CNTN3: variants seen among roughly 807,000 people sequenced by gnomAD.
CNTN3 encodes contactin 3.
In CNTN3, 60 loss-of-function variants were observed where a neutral mutation model predicts 119.1. The observed-to-expected ratio is 0.50, with a 90% confidence interval of 0.41 to 0.62. The LOEUF is 0.62. Among genes scored for constraint, CNTN3 ranks in the 20% least tolerant of loss-of-function variants. CNTN3 has a pLI of 0.00. For synonymous variants in CNTN3, 450 were observed against 438.7 expected (o/e 1.03, Z -0.32); for missense variants, 1,101 against 1,242.4 (o/e 0.89, Z 1.71).
rs150903514 is a variant in CNTN3 at position 74,549,071 on chromosome 3, A to G, written c.-80-27879T>C. On this transcript the variant is annotated intron_variant, in intron 1 of 22. Transcript: ENST00000263665. ...ACAATTTGACTCTGTGTCCTCACCC[A>G]AATCTCATGTTGAATTGTGATCCCT... Among the ~76,000 whole-genome samples the G allele has an allele frequency of 3.1e-3, 468 of 152,318 alleles. 4 individuals carry two copies. Among genetic ancestry groups the G allele is most frequent in the African/African-American group, 9.5e-3 (394 of 41,570 alleles).
At chr3:74,394,385 A>G (rs1382577558) in intron 5 of CNTN3, among the ~76,000 whole-genome samples, 1 of 152,192 alleles carries the variant, frequency 6.6e-6, no homozygotes, top group Admixed American at 6.5e-5. Context: ...ACGCTATTAG[A>G]GAACAGAAAT....
In CNTN3 at chr3:74,288,694, T is replaced by C. The variant is rs539344162; in HGVS notation, c.2518-3203A>G. On this transcript the variant is annotated intron_variant, in intron 19 of 22. Coordinates refer to ENST00000263665, the MANE Select transcript of CNTN3 (RefSeq NM_020872.3). ...ATTTATCAAGGTCATTCTCCCAAAT[T>C]TGGTTCTTTCAAAACAGAGAAGGAC... 2.0e-5 allele frequency among the ~76,000 whole-genome samples: 3 copies of C among 152,266 alleles called. No individual in the cohort carries two copies. In the East Asian group the frequency reaches 5.8e-4, roughly 29 times the overall value.
chr3:74,355,781 A>G (rs186284351), intron 11 of CNTN3, among the ~76,000 whole-genome samples: 60 of 152,028 alleles, frequency 3.9e-4, no homozygotes, highest in Middle Eastern at 3.4e-3. Context: ...CAGAAATTTA[A>G]TCCTGTACAT....
chr3:74,356,761 A>G (rs1026745719), intron 11 of CNTN3, among the ~76,000 whole-genome samples: 1 of 151,994 alleles, frequency 6.6e-6, no homozygotes, highest in African/African-American at 2.4e-5. Context: ...TCTAGCTTGA[A>G]ATGCTCTCCA....
intron 13 of CNTN3, among the ~76,000 whole-genome samples, chr3:74,323,803 T>C (rs1194908546): frequency 6.6e-6 from 1 of 152,204 alleles, no homozygotes; most frequent in Admixed American, 6.5e-5. Context: ...TCAGCCTTTG[T>C]CAAACAAAAT....
intron 1 of CNTN3, among the ~76,000 whole-genome samples, chr3:74,564,383 A>G (rs1704197072): frequency 6.6e-6 from 1 of 152,042 alleles, no homozygotes; most frequent in South Asian, 2.1e-4. Flanking sequence ...GGGCTAGAAT[A>G]TAAGCCTTTT....
chr3:74,435,992 A>G (rs1701859709), intron 4 of CNTN3, among the ~76,000 whole-genome samples: 1 of 152,202 alleles, frequency 6.6e-6, no homozygotes, highest in Non-Finnish European at 1.5e-5. Flanking sequence ...TAAAACGCCT[A>G]TACACATATT....
At chr3:74,511,817 T>G (rs1397702478) in intron 2 of CNTN3, among the ~76,000 whole-genome samples, 1 of 152,142 alleles carries the variant, frequency 6.6e-6, no homozygotes, top group Non-Finnish European at 1.5e-5. Context: ...AGGGCAGAGT[T>G]GAGTAGTTAT....
At position 74,486,591 on chromosome 3, in the gene CNTN3, G is replaced by A; in HGVS notation, c.223C>T (p.His75Tyr). Residue 75 changes from histidine to tyrosine, a missense_variant, in exon 4 of 23, where the codon CAT becomes TAT. Coordinates refer to ENST00000263665, the MANE Select transcript of CNTN3 (RefSeq NM_020872.3). ...TTTCCTCCATTCAACTTATAACGAT[G>A]TTCCATACTCATATCAATATCACTT... ...NGSDIDMSME[H>Y]RYKLNGGNLV... is the part of the protein sequence containing the mutation. 4 of 1,605,644 alleles carry A rather than the reference G, an allele frequency of 2.5e-6. No individual in the cohort carries two copies. Among genetic ancestry groups the A allele is most frequent in the Non-Finnish European group, 3.4e-6 (4 of 1,177,944 alleles).
intron 2 of CNTN3, among the ~76,000 whole-genome samples, chr3:74,516,825 T>C (rs1346141175): frequency 2.8e-5 from 4 of 143,808 alleles, no homozygotes; most frequent in Non-Finnish European, 5.9e-5. Context: ...TAAAACAATA[T>C]CCAAGGAAGT....
chr3:74,294,083 G>A (rs1702286022), intron 19 of CNTN3, among the ~76,000 whole-genome samples: 1 of 152,134 alleles, frequency 6.6e-6, no homozygotes, highest in African/African-American at 2.4e-5. Context: ...GCAAGTGGAG[G>A]GGTATGTGGC....
chr3:74,367,308 C>G (rs1704222370), intron 8 of CNTN3, among the ~76,000 whole-genome samples: 1 of 152,024 alleles, frequency 6.6e-6, no homozygotes, highest in African/African-American at 2.4e-5. Flanking sequence ...ACCTCTTTTA[C>G]TAAGTAGAGC....
At chr3:74,483,049 A>G (rs1266424241) in intron 4 of CNTN3, among the ~76,000 whole-genome samples, 2 of 152,158 alleles carry the variant, frequency 1.3e-5, no homozygotes, top group Non-Finnish European at 2.9e-5. Context: ...TGTCAGGTGA[A>G]GAATACCCAA....
chr3:74,361,389 G>A (rs1397488997), intron 11 of CNTN3, among the ~76,000 whole-genome samples: 2 of 152,202 alleles, frequency 1.3e-5, no homozygotes, highest in Non-Finnish European at 2.9e-5. Flanking sequence ...TCCAGAGTCT[G>A]TGCTTTTCAC....
intron 4 of CNTN3, among the ~76,000 whole-genome samples, chr3:74,447,273 A>G (rs1478128834): frequency 1.3e-5 from 2 of 152,182 alleles, no homozygotes; most frequent in Non-Finnish European, 2.9e-5. Context: ...TAGGAGGACT[A>G]CTGAACAACA....
At chr3:74,302,433 C>A (rs868630567) in intron 14 of CNTN3, among the ~76,000 whole-genome samples, 18 of 152,188 alleles carry the variant, frequency 1.2e-4, no homozygotes, top group African/African-American at 4.3e-4. Flanking sequence ...GAATTAATGA[C>A]ATGCTCAAGA....
chr3:74,309,216 C>CA (rs1485815010), intron 13 of CNTN3, among the ~76,000 whole-genome samples: 5 of 151,902 alleles, frequency 3.3e-5, no homozygotes, highest in African/African-American at 1.2e-4. Context: ...GTGATCCTTC[C>CA]ACGTCAGCTT....
At chr3:74,473,018 T>C (rs1167434119) in intron 4 of CNTN3, among the ~76,000 whole-genome samples, 1 of 151,884 alleles carries the variant, frequency 6.6e-6, no homozygotes, top group Non-Finnish European at 1.5e-5. Context: ...TTCAAACTTC[T>C]CTTTCCATGT....
intron 1 of CNTN3, among the ~76,000 whole-genome samples, chr3:74,587,706 G>A (rs939057535): frequency 6.6e-6 from 1 of 152,106 alleles, no homozygotes; most frequent in Admixed American, 6.5e-5. Context: ...TGAGACAATG[G>A]GGTTTTCTAG....
Sources: allele counts gnomAD v4.1 joint callset (sites outside exome capture counted in the v4.1 genomes callset), GRCh38; gene constraint gnomAD v4.1.1; transcripts MANE v1.5; gene names NCBI Gene and HGNC (gene_info 2026-07-23, HGNC 2026-07-21).